HACD4: variants seen among roughly 807,000 people sequenced by gnomAD.
HACD4 encodes the protein 3-hydroxyacyl-CoA dehydratase 4, also known as very-long-chain (3R)-3-hydroxyacyl-CoA dehydratase 4.
HACD4 carries 35 observed loss-of-function variants against 33.3 expected under a neutral mutation model. The observed-to-expected ratio is 1.05, with a 90% CI of 0.80 to 1.39. HACD4 has a LOEUF of 1.39. Among genes scored for constraint, HACD4 ranks in the 40% most tolerant of loss-of-function variants. HACD4 has a pLI of 0.00. For synonymous variants in HACD4, 118 were observed against 98.0 expected (o/e 1.20, Z -1.21); for missense variants, 323 against 276.5 (o/e 1.17, Z -1.19).
rs753396465 is a variant in HACD4, at chr9:21,002,459, G to A, written c.*4578C>T. ...ATGCTAAGTGAAATAAGCCAATTAC[G>A]AAAGACAGATACTGTATGATTACAT... On this transcript the variant is annotated 3_prime_UTR_variant, in exon 7 of 7. Coordinates refer to ENST00000495827, the MANE Select transcript of HACD4 (RefSeq NM_001010915.5). 6.6e-6 allele frequency: 1 copy of A among 152,070 alleles called. No individual in the cohort carries two copies. The highest frequency in any genetic ancestry group is 1.5e-5 in the Non-Finnish European group (1 of 67,984). The allele number at this position is 152,070 out of a possible 1,614,324, so 9.4% of individuals were successfully genotyped here.
chr9:21,029,160 A>G (rs752670104), intron 2 of HACD4, 135 bp downstream of exon 2: 9 of 582,250 alleles, frequency 1.5e-5, no homozygotes, highest in Non-Finnish European at 2.7e-5. Context: ...TTTTGCAATA[A>G]ACATGGTTGC....
rs1371482876 is a variant in HACD4 at position 21,024,797 on chromosome 9, A to G, written c.270+1799T>C. On this transcript the variant is annotated intron_variant, in intron 3 of 6. Coordinates refer to ENST00000495827, the MANE Select transcript of HACD4 (RefSeq NM_001010915.5). ...ACTAGTAGCAGCCACTTAGCCTAAA[A>G]AAGTAAAAAGGCCTTTAAAAAATAC... 2.0e-5 allele frequency among the ~76,000 whole-genome samples: 3 copies of G among 152,216 alleles called. No homozygotes were observed. In the East Asian group the frequency reaches 5.8e-4, roughly 29 times the overall value.
In HACD4 at chr9:21,000,035, T is replaced by C. The variant is rs1435414976; in HGVS notation, c.*7002A>G. ...TCAGTTAGTAAATAATGGAGCTTGA[T>C]CTCAAATCAAACCTAGTGCTCTTAA... is the stretch of plus-strand genomic sequence containing the variant. On this transcript the variant is annotated 3_prime_UTR_variant, in exon 7 of 7. Transcript: ENST00000495827. 6.6e-6 allele frequency: 1 copy of C among 152,142 alleles called. No homozygotes were observed. Among genetic ancestry groups the C allele is most frequent in the African/African-American group, 2.4e-5 (1 of 41,438 alleles). 9.4% of individuals were successfully genotyped at this position (152,142 alleles called of 1,614,324 possible).
At chr9:21,024,291 A>T (rs1389193850) in intron 3 of HACD4, among the ~76,000 whole-genome samples, 1 of 152,260 alleles carries the variant, frequency 6.6e-6, no homozygotes, top group Non-Finnish European at 1.5e-5. Context: ...AAAAATTGAT[A>T]ATATTCAGCT....
At position 21,029,405 on chromosome 9, in the gene HACD4, A is replaced by C. The variant is rs368372470; in HGVS notation, c.39-7T>G. The C allele has an allele frequency of 1.1e-5, 16 of 1,447,382 alleles. No homozygotes were observed. Among genetic ancestry groups the C allele is most frequent in the Non-Finnish European group, 1.5e-5 (16 of 1,040,258 alleles). The allele number at this position is 1,447,382 out of a possible 1,614,324, so 89.7% of individuals were successfully genotyped here. A position where few individuals can be genotyped will look rare whatever the true frequency, so the allele number is the denominator to read the frequency against. ...ATACGCATTCTTCCTATACCTATAA[A>C]TACAGGAAAATACCATTAAACACTT... On this transcript the variant is annotated splice_polypyrimidine_tract_variant and splice_region_variant and intron_variant, in intron 1 of 6. Coordinates refer to ENST00000495827, the MANE Select transcript of HACD4 (RefSeq NM_001010915.5).
intron 1 of HACD4, 40 bp downstream of exon 1, chr9:21,031,513 C>G: frequency 1.4e-6 from 2 of 1,455,642 alleles, no homozygotes; most frequent in Non-Finnish European, 1.8e-6. Context: ...AGGCCCTCCA[C>G]CCGCGCCCCC....
chr9:21,030,468 A>G (rs1442082292), intron 1 of HACD4, among the ~76,000 whole-genome samples: 1 of 152,030 alleles, frequency 6.6e-6, no homozygotes, highest in Non-Finnish European at 1.5e-5. Context: ...ATAAAAAACA[A>G]AACAACAACA....
intron 5 of HACD4, among the ~76,000 whole-genome samples, chr9:21,010,456 A>ATCCCCCCCCCCCCCC (rs1353043927): frequency 2.9e-5 from 3 of 105,050 alleles, no homozygotes; most frequent in Non-Finnish European, 5.8e-5. Flanking sequence ...ACATCCTGGT[A>ATCCCCCCCCCCCCCC]CCCCCCCCCC....
At chr9:21,013,945 T>C (rs1288015090) in intron 4 of HACD4, among the ~76,000 whole-genome samples, 4 of 152,244 alleles carry the variant, frequency 2.6e-5, no homozygotes, top group Admixed American at 2.6e-4. Flanking sequence ...TCTGCCTTAT[T>C]GCCATGGATA....
At chr9:21,031,471 C>CA (rs1818219084) in intron 1 of HACD4, 82 bp downstream of exon 1, 1 of 1,362,994 alleles carries the variant, frequency 7.3e-7, no homozygotes, top group Non-Finnish European at 9.4e-7. Context: ...GTGCCGCCCG[C>CA]CCGCCCGCCG....
rs772253197 is a variant in HACD4, at chr9:21,026,653, T to C, written c.213A>G (p.Glu71=). 6.2e-7 allele frequency: 1 copy of C among 1,613,664 alleles called. No homozygotes were observed. Among genetic ancestry groups the C allele is most frequent in the South Asian group, 1.1e-5 (1 of 91,076 alleles). The change falls in exon 3 of 7, where the codon GAA becomes GAG. Residue 71 remains glutamate (E), a synonymous_variant. Coordinates refer to ENST00000495827, the MANE Select transcript of HACD4 (RefSeq NM_001010915.5). ...MRLCQSVSLL[E]LLHIYVGIES... ...CAATGCCAACATATATGTGCAGCAGTTCCAGGAGAGATACGGATTGGCAAA... is the reference window on the plus strand; with the variant it reads ...CAATGCCAACATATATGTGCAGCAGCTCCAGGAGAGATACGGATTGGCAAA...
intron 3 of HACD4, among the ~76,000 whole-genome samples, chr9:21,025,935 C>A (rs1416858289): frequency 6.6e-6 from 1 of 152,144 alleles, no homozygotes; most frequent in East Asian, 1.9e-4. Flanking sequence ...GATTAAATGA[C>A]TTGTTTAAAT....
At position 21,003,723 on chromosome 9, in the gene HACD4, T is replaced by C. The variant is rs1842204340; in HGVS notation, c.*3314A>G. The C allele has an allele frequency of 6.6e-6, 1 of 152,150 alleles. No homozygotes were observed. Among genetic ancestry groups the C allele is most frequent in the African/African-American group, 2.4e-5 (1 of 41,446 alleles). The allele number at this position is 152,150 out of a possible 1,614,324, so 9.4% of individuals were successfully genotyped here. A position where few individuals can be genotyped will look rare whatever the true frequency, so the allele number is the denominator to read the frequency against. On this transcript the variant is annotated 3_prime_UTR_variant, in exon 7 of 7. Coordinates refer to ENST00000495827, the MANE Select transcript of HACD4 (RefSeq NM_001010915.5). Reference sequence around the variant, plus strand: ...GATCTTTATAATTCTTTACCAAAAATTGAGTGATACATCAATGATACAGCA... The same window carrying C: ...GATCTTTATAATTCTTTACCAAAAACTGAGTGATACATCAATGATACAGCA...
chr9:21,006,012 C>G lies in HACD4; in HGVS notation c.*1025G>C, dbSNP rs1036534443. The G allele has an allele frequency of 6.6e-6, 1 of 152,202 alleles. No individual in the cohort carries two copies. The highest frequency in any genetic ancestry group is 1.5e-5 in the Non-Finnish European group (1 of 68,036). 9.4% of individuals were successfully genotyped at this position (152,202 alleles called of 1,614,324 possible). ...ATTCTACCTTGAATCTCACCCACATCTGATTTAGACGAGACTTTGGACTTT... is the reference window on the plus strand; with the variant it reads ...ATTCTACCTTGAATCTCACCCACATGTGATTTAGACGAGACTTTGGACTTT... On this transcript the variant is annotated 3_prime_UTR_variant, in exon 7 of 7. Coordinates refer to ENST00000495827, the MANE Select transcript of HACD4 (RefSeq NM_001010915.5). The surrounding 1 kb of genome is among the most constrained non-coding windows in gnomAD (Gnocchi z 4.6).
chr9:21,007,236 G>T, intron 6 of HACD4, 117 bp from the exon 7 acceptor site: 1 of 657,728 alleles, frequency 1.5e-6, no homozygotes, highest in East Asian at 2.6e-5. Context: ...ACACTTGCAA[G>T]GGAGATGTGA....
At chr9:21,017,553 T>C (rs1329529496) in intron 3 of HACD4, among the ~76,000 whole-genome samples, 1 of 152,150 alleles carries the variant, frequency 6.6e-6, no homozygotes, top group South Asian at 2.1e-4. Context: ...AACAAATAAG[T>C]TCTTAGGCTC....
Position 21,006,907 on chromosome 9 carries a change from G to A in HACD4, c.*130C>T, listed in dbSNP as rs190160905. ...GTTATGTCTAGAGTTTTGGGGGTAT[G>A]TGCAGTTATTTCATGTAATGGATTT... On this transcript the variant is annotated 3_prime_UTR_variant, in exon 7 of 7. Transcript: ENST00000495827. The surrounding 1 kb of genome is among the most constrained non-coding windows in gnomAD (Gnocchi z 4.6). 7 of 700,912 alleles carry A rather than the reference G, an allele frequency of 1.0e-5. No individual in the cohort carries two copies. Among genetic ancestry groups the A allele is most frequent in the African/African-American group, 1.8e-5 (1 of 56,440 alleles). 43.4% of individuals were successfully genotyped at this position (700,912 alleles called of 1,614,324 possible).
At chr9:21,027,153 C>T (rs1288649229) in intron 2 of HACD4, among the ~76,000 whole-genome samples, 4 of 152,124 alleles carry the variant, frequency 2.6e-5, no homozygotes, top group Non-Finnish European at 4.4e-5. Context: ...AATATTATTT[C>T]GGAGAAACTT....
chr9:21,012,215 A>G (rs1842453609), intron 4 of HACD4, among the ~76,000 whole-genome samples: 1 of 152,218 alleles, frequency 6.6e-6, no homozygotes, highest in South Asian at 2.1e-4. Flanking sequence ...CTGTGATGTA[A>G]AAAGTAGTCT....
Sources: gnomAD v4.1 joint callset for allele counts (sites outside exome capture counted in the v4.1 genomes callset) on GRCh38, gnomAD v4.1.1 for gene constraint, Gnocchi (gnomAD v3.1) non-coding constraint, MANE v1.5 for transcripts, NCBI Gene and HGNC (gene_info 2026-07-23, HGNC 2026-07-21) for gene names.